EXO1: variants seen among roughly 807,000 people sequenced by gnomAD.
The protein encoded by EXO1 is exonuclease 1.
EXO1 carries 69 observed loss-of-function variants against 84.5 expected under a neutral mutation model. The ratio of observed to expected loss-of-function variants is 0.82; its 90% CI spans 0.67 to 1.00. EXO1 has a LOEUF of 1.00. Among genes scored for constraint, EXO1 ranks in the 50% least tolerant of loss-of-function variants. The pLI is 0.00. For synonymous variants in EXO1, 373 were observed against 366.1 expected (o/e 1.02, Z -0.21); for missense variants, 1,045 against 1,000.7 (o/e 1.04, Z -0.60).
chr1:241,865,804 T>C (rs1661680332), intron 10 of EXO1, among the ~76,000 whole-genome samples: 1 of 152,244 alleles, frequency 6.6e-6, no homozygotes, highest in Non-Finnish European at 1.5e-5. Context: ...TGGGATCTAA[T>C]GCCATGAGCC....
chr1:241,855,653 C>T (rs549387485), intron 6 of EXO1, among the ~76,000 whole-genome samples: 4 of 152,196 alleles, frequency 2.6e-5, no homozygotes, highest in South Asian at 4.1e-4. Flanking sequence ...TGGGGAGGCT[C>T]GGGCGGCACA....
chr1:241,851,157 A>G (rs1384305755), intron 4 of EXO1, among the ~76,000 whole-genome samples: 1 of 152,182 alleles, frequency 6.6e-6, no homozygotes, highest in Non-Finnish European at 1.5e-5. Flanking sequence ...TAAATTTTTT[A>G]ACAAATGCTT....
chr1:241,874,371 T>C (rs1662276760), intron 12 of EXO1, among the ~76,000 whole-genome samples: 2 of 152,054 alleles, frequency 1.3e-5, no homozygotes, highest in Non-Finnish European at 2.9e-5. Flanking sequence ...CCAGCCAGGG[T>C]GAGACAGTGC....
At chr1:241,862,741 G>C (rs1451376595) in intron 10 of EXO1, among the ~76,000 whole-genome samples, 1 of 152,142 alleles carries the variant, frequency 6.6e-6, no homozygotes, top group Non-Finnish European at 1.5e-5. Flanking sequence ...TTCTCACACT[G>C]GAAAACTTGG....
At chr1:241,854,264 A>G (rs960412530) in intron 6 of EXO1, among the ~76,000 whole-genome samples, 1 of 152,128 alleles carries the variant, frequency 6.6e-6, no homozygotes, top group African/African-American at 2.4e-5. Flanking sequence ...CAGCCTCCCA[A>G]GTAGCTGGGA....
chr1:241,857,426 A>G lies in EXO1; in HGVS notation c.487A>G (p.Ile163Val). 4 of 1,613,790 alleles carry G rather than the reference A, an allele frequency of 2.5e-6. No homozygotes were observed. The highest frequency in any genetic ancestry group is 3.4e-6 in the Non-Finnish European group (4 of 1,179,926). ...GTTGGCCTATCTTAACAAAGCGGGA[A>G]TTGTGCAAGCCATAATTACAGAGGA... ...AQLAYLNKAG[I>V]VQAIITEDSD... is the part of the protein sequence containing the mutation. The change falls in exon 7 of 16, where the codon ATT (isoleucine) becomes GTT (valine). Residue 163 changes from isoleucine (I) to valine (V), a missense_variant. Physicochemically the swap from Ile to Val is conservative, Grantham distance 29. Coordinates refer to ENST00000366548, the MANE Select transcript of EXO1 (RefSeq NM_130398.4).
chr1:241,889,344 A>G (rs1456707721), intron 15 of EXO1, 121 bp from the exon 16 acceptor site: 5 of 846,982 alleles, frequency 5.9e-6, no homozygotes, highest in Non-Finnish European at 9.8e-6. Flanking sequence ...ATGAATTGAA[A>G]GAGATCGTAC....
chr1:241,887,357 C>T (rs1663123448), intron 15 of EXO1, among the ~76,000 whole-genome samples: 2 of 152,146 alleles, frequency 1.3e-5, no homozygotes, highest in Non-Finnish European at 2.9e-5. Context: ...TACACTGGTG[C>T]ACTTTTAATG....
At chr1:241,883,632 G>A (rs4149986) in intron 14 of EXO1, among the ~76,000 whole-genome samples, 4,299 of 152,182 alleles carry the variant, frequency 0.028, 193 homozygotes, top group African/African-American at 0.097. Context: ...GTAAATATGA[G>A]ATTATTTTTT....
At chr1:241,850,672 T>A in intron 4 of EXO1, 86 bp downstream of exon 4, 1 of 1,085,662 alleles carries the variant, frequency 9.2e-7, no homozygotes, top group Non-Finnish European at 1.4e-6. Flanking sequence ...CGGATTGTTT[T>A]CACTCAATGC....
chr1:241,852,603 G>A lies in EXO1; in HGVS notation c.281+192G>A, dbSNP rs536970892. Among the ~76,000 whole-genome samples, 6 of 152,246 alleles carry A rather than the reference G, an allele frequency of 3.9e-5. No individual in the cohort carries two copies. In the East Asian group the frequency reaches 5.8e-4, roughly 15 times the overall value. The stretch of plus-strand genomic sequence containing the variant: ...AGCACCTTAGTACCCTATGATCATC[G>A]CTGTGAAGAGCCACTGTACTCCAGC... On this transcript the variant is annotated intron_variant, in intron 5 of 15. Transcript: ENST00000366548.
chr1:241,879,096 C>A lies in EXO1; in HGVS notation c.1862C>A (p.Thr621Lys). The A allele has an allele frequency of 6.2e-7, 1 of 1,613,996 alleles. No homozygotes were observed. Among genetic ancestry groups the A allele is most frequent in the South Asian group, 1.1e-5 (1 of 91,082 alleles). Residue 621 changes from threonine to lysine, a missense_variant, in exon 13 of 16, where the codon ACG becomes AAG. By Grantham distance (78) the Thr-to-Lys change is moderately conservative. Transcript: ENST00000366548. ...GGAGGTCTTGGAGATTTTTCAAGAA[C>A]GCCGAGCCCCTCTCCAAGCACAGCA... ...WSGGLGDFSR[T>K]PSPSPSTALQ... is the part of the protein sequence containing the mutation.
At chr1:241,866,743 T>C in intron 10 of EXO1, 87 bp from the exon 11 acceptor site, 1 of 981,588 alleles carries the variant, frequency 1.0e-6, no homozygotes. Context: ...TAACTTAAGA[T>C]GTTTATTTAT....
chr1:241,858,070 G>A (rs2148416868), intron 7 of EXO1, among the ~76,000 whole-genome samples: 2 of 152,146 alleles, frequency 1.3e-5, no homozygotes, highest in East Asian at 3.9e-4. Context: ...GAGGGAATAG[G>A]GATGACTTGT....
Position 241,862,367 on chromosome 1 carries a change from G to A in EXO1, c.1041+865G>A, listed in dbSNP as rs1056149553. Reference sequence around the variant, plus strand: ...CTTTTCTGTTTACATTTCTTCCTTAGGTAAGTCCTTAGGGCTTTAATCCCA... The same window carrying A: ...CTTTTCTGTTTACATTTCTTCCTTAAGTAAGTCCTTAGGGCTTTAATCCCA... On this transcript the variant is annotated intron_variant, in intron 10 of 15. Coordinates refer to ENST00000366548, the MANE Select transcript of EXO1 (RefSeq NM_130398.4). Among the ~76,000 whole-genome samples, 6 of 151,958 alleles carry A rather than the reference G, an allele frequency of 3.9e-5. No homozygotes were observed. In the South Asian group the frequency reaches 8.3e-4, roughly 21 times the overall value.
At chr1:241,866,780 A>C (rs1005660427) in intron 10 of EXO1, 50 bp from the exon 11 acceptor site, 7 of 1,323,528 alleles carry the variant, frequency 5.3e-6, no homozygotes, top group Non-Finnish European at 7.6e-6. Flanking sequence ...GAAGGAAATA[A>C]ATTGATTATT....
chr1:241,857,626 A>G, intron 7 of EXO1, 144 bp downstream of exon 7: 1 of 273,270 alleles, frequency 3.7e-6, no homozygotes, highest in Non-Finnish European at 6.3e-6. Flanking sequence ...TACAAGGTAA[A>G]TTATTGTATT....
At chr1:241,855,608 A>G (rs1314329082) in intron 6 of EXO1, among the ~76,000 whole-genome samples, 2 of 152,130 alleles carry the variant, frequency 1.3e-5, no homozygotes, top group Admixed American at 1.3e-4. Context: ...GTGGTGGATG[A>G]GACTGGGCGC....
chr1:241,876,282 G>A (rs374009000), intron 12 of EXO1, among the ~76,000 whole-genome samples: 17 of 152,142 alleles, frequency 1.1e-4, no homozygotes, highest in East Asian at 3.9e-4. Context: ...ACATTATACA[G>A]CAACATCTGA....
Sources: gnomAD v4.1 joint callset for allele counts (sites outside exome capture counted in the v4.1 genomes callset) on GRCh38, gnomAD v4.1.1 for gene constraint, MANE v1.5 for transcripts, NCBI Gene and HGNC (gene_info 2026-07-23, HGNC 2026-07-21) for gene names.